The following ZRANB3 variants were observed in gnomAD, a reference collection of about 807,000 sequenced individuals.
ZRANB3 encodes DNA annealing helicase and endonuclease ZRANB3.
Under a neutral mutation model 133.8 loss-of-function variants are expected in ZRANB3, and 125 were observed. That is an observed-to-expected ratio of 0.93 (90% CI 0.81 to 1.08). The LOEUF (loss-of-function observed/expected upper bound fraction) is 1.08. Ranked by LOEUF, ZRANB3 falls within the 50% of genes least tolerant of loss-of-function variation. The pLI is 0.00. For missense variants in ZRANB3, 1,229 were observed against 1,275.5 expected, an observed-to-expected ratio of 0.96 and a Z score of 0.56; for synonymous variants, 387 against 432.7, an observed-to-expected ratio of 0.89 and a Z score of 1.31.
chr2:135,236,289 G>A (rs1340702471), intron 12 of ZRANB3, among the ~76,000 whole-genome samples: 1 of 151,944 alleles, frequency 6.6e-6, no homozygotes, highest in Non-Finnish European at 1.5e-5. Context: ...AAATAAAAGA[G>A]GATACAAACA....
At chr2:135,404,735 T>G (rs983707878) in intron 2 of ZRANB3, among the ~76,000 whole-genome samples, 1 of 152,156 alleles carries the variant, frequency 6.6e-6, no homozygotes, top group Non-Finnish European at 1.5e-5. Context: ...GGAAGCCCAT[T>G]AGACTAACGG....
chr2:135,470,197 C>A (rs1469073370), intron 2 of ZRANB3, among the ~76,000 whole-genome samples: 1 of 151,026 alleles, frequency 6.6e-6, no homozygotes, highest in Non-Finnish European at 1.5e-5. Flanking sequence ...TGGTGGTGGG[C>A]ACCTATAATC....
chr2:135,228,552 A>G (rs1447396739), intron 13 of ZRANB3, among the ~76,000 whole-genome samples: 1 of 152,204 alleles, frequency 6.6e-6, no homozygotes, highest in African/African-American at 2.4e-5. Flanking sequence ...TCAGATTAAT[A>G]TGGAGGCTAT....
intron 1 of ZRANB3, among the ~76,000 whole-genome samples, chr2:135,529,266 CCTTT>C (rs1412321559): frequency 6.6e-6 from 1 of 151,978 alleles, no homozygotes; most frequent in African/African-American, 2.4e-5. Flanking sequence ...AGGGAAAAAC[CCTTT>C]TCTGTAACTT....
At chr2:135,453,484 G>A (rs570921497) in intron 2 of ZRANB3, among the ~76,000 whole-genome samples, 9 of 152,070 alleles carry the variant, frequency 5.9e-5, no homozygotes, top group Non-Finnish European at 7.4e-5. Flanking sequence ...CTTTTAAAAC[G>A]GAATGCCTTT....
At chr2:135,484,192 T>C (rs1485164995) in intron 2 of ZRANB3, among the ~76,000 whole-genome samples, 20 of 152,138 alleles carry the variant, frequency 1.3e-4, no homozygotes, top group Admixed American at 1.3e-3. Flanking sequence ...AAGTCTTTTC[T>C]TCCCCAGACA....
intron 2 of ZRANB3, among the ~76,000 whole-genome samples, chr2:135,472,511 A>AC (rs1179160319): frequency 6.6e-6 from 1 of 151,578 alleles, no homozygotes; most frequent in African/African-American, 2.4e-5. Context: ...AAAAAAAAAA[A>AC]AAAAAAAAAC....
At chr2:135,399,186 CT>C (rs1254216050) in intron 2 of ZRANB3, among the ~76,000 whole-genome samples, 2 of 152,200 alleles carry the variant, frequency 1.3e-5, no homozygotes, top group African/African-American at 2.4e-5. Context: ...TCTCTTCCCC[CT>C]GTCACCTGGT....
chr2:135,243,385 C>T (rs978552690), intron 12 of ZRANB3, among the ~76,000 whole-genome samples: 1 of 152,118 alleles, frequency 6.6e-6, no homozygotes. Context: ...GTAGCGTTGG[C>T]GCCTGTAATC....
Position 135,204,650 on chromosome 2 carries a change from A to AAATAT in ZRANB3, c.3010-1688_3010-1687insATATT, listed in dbSNP as rs1553454875. Among the ~76,000 whole-genome samples, 8 of 141,758 alleles carry AAATAT rather than the reference A, an allele frequency of 5.6e-5. No individual in the cohort carries two copies. In the South Asian group the frequency reaches 6.4e-4, roughly 11 times the overall value. The allele number at this position is 141,758 out of a possible 152,430, so 93.0% of individuals were successfully genotyped here. ...CCCAGACCCAATCTCAAAAAAAAAA[A>AAATAT]ATATATATATATACATATATATATA... On this transcript the variant is annotated intron_variant, in intron 19 of 20. Coordinates refer to ENST00000264159, the MANE Select transcript of ZRANB3 (RefSeq NM_032143.4).
intron 2 of ZRANB3, among the ~76,000 whole-genome samples, chr2:135,415,492 G>A (rs907360279): frequency 6.6e-6 from 1 of 152,066 alleles, no homozygotes; most frequent in South Asian, 2.1e-4. Context: ...AAGAGTCCAG[G>A]ACCAGATGGA....
chr2:135,334,491 C>G (rs1561277), intron 6 of ZRANB3, among the ~76,000 whole-genome samples: 1 of 151,990 alleles, frequency 6.6e-6, no homozygotes, highest in Non-Finnish European at 1.5e-5. Context: ...AACCATTTGC[C>G]AATGGAATAG....
intron 2 of ZRANB3, among the ~76,000 whole-genome samples, chr2:135,454,438 T>A (rs575129433): frequency 7.9e-4 from 120 of 151,798 alleles, no homozygotes; most frequent in African/African-American, 2.6e-3. Flanking sequence ...AATTTTTTTT[T>A]AATTTAATAA....
At chr2:135,472,092 C>G (rs963918529) in intron 2 of ZRANB3, among the ~76,000 whole-genome samples, 3 of 152,194 alleles carry the variant, frequency 2.0e-5, no homozygotes, top group Non-Finnish European at 4.4e-5. Context: ...AAAGCACCAA[C>G]TTTATATCTG....
intron 12 of ZRANB3, among the ~76,000 whole-genome samples, chr2:135,240,405 G>A (rs1695502013): frequency 6.6e-6 from 1 of 152,202 alleles, no homozygotes; most frequent in Non-Finnish European, 1.5e-5. Flanking sequence ...AGAGCTTGCA[G>A]AATTTTGAAA....
chr2:135,497,003 A>G (rs897327354), intron 2 of ZRANB3, among the ~76,000 whole-genome samples: 1 of 152,224 alleles, frequency 6.6e-6, no homozygotes, highest in Non-Finnish European at 1.5e-5. Context: ...ACAGCAAAAG[A>G]TAAAATCAGT....
intron 2 of ZRANB3, among the ~76,000 whole-genome samples, chr2:135,399,964 G>T (rs1288159474): frequency 6.6e-6 from 1 of 152,126 alleles, no homozygotes; most frequent in Admixed American, 6.6e-5. Context: ...CATCCTGGCT[G>T]GGTATGGTGG....
chr2:135,309,963 G>A (rs1558906434), intron 8 of ZRANB3, among the ~76,000 whole-genome samples: 1 of 152,182 alleles, frequency 6.6e-6, no homozygotes, highest in East Asian at 1.9e-4. Context: ...TGGAGACAGA[G>A]TCTTGCTCTG....
chr2:135,300,751 G>C (rs949897302), intron 8 of ZRANB3, among the ~76,000 whole-genome samples: 2 of 152,042 alleles, frequency 1.3e-5, no homozygotes, highest in African/African-American at 4.8e-5. Context: ...CCACTACATT[G>C]GTTTAGATCA....
Sources: allele counts gnomAD v4.1 joint callset (sites outside exome capture counted in the v4.1 genomes callset), GRCh38; gene constraint gnomAD v4.1.1; transcripts MANE v1.5; gene names NCBI Gene and HGNC (gene_info 2026-07-23, HGNC 2026-07-21).